The following ATP8B4 variants were observed in gnomAD, a reference collection of about 807,000 sequenced individuals.
The protein encoded by ATP8B4 is probable phospholipid-transporting ATPase IM.
A neutral mutation model predicts 145.6 loss-of-function variants in ATP8B4; 133 were observed. The observed-to-expected ratio is 0.91, with a 90% CI of 0.79 to 1.05. The LOEUF (loss-of-function observed/expected upper bound fraction) is 1.05. ATP8B4 is among the 50% of genes least tolerant of loss of function. The probability of loss-of-function intolerance (pLI) is 0.00; values close to 1 mark genes in which losing one functional copy is unlikely to be tolerated. For missense variants in ATP8B4, 1,458 were observed against 1,425.2 expected (o/e 1.02, Z -0.37); for synonymous variants, 507 against 492.9 (o/e 1.03, Z -0.38).
rs188369866 is a variant in ATP8B4, at chr15:49,947,102, T to C, written c.1288-12920A>G. 3.3e-5 allele frequency among the ~76,000 whole-genome samples: 5 copies of C among 152,270 alleles called. No homozygotes were observed. In the East Asian group the frequency reaches 9.6e-4, roughly 29 times the overall value. On this transcript the variant is annotated intron_variant, in intron 14 of 27. Coordinates refer to ENST00000284509, the MANE Select transcript of ATP8B4 (RefSeq NM_024837.4). ...CTGGCGCTGGAGCCCCAGTTTGAGC[T>C]GGGGGCTCTCAAAACCCTTGCACAC...
intron 6 of ATP8B4, among the ~76,000 whole-genome samples, chr15:50,030,340 A>C (rs2050340236): frequency 6.6e-6 from 1 of 152,214 alleles, no homozygotes; most frequent in Admixed American, 6.5e-5. Flanking sequence ...TCTAAGATAA[A>C]TGCATCCTGG....
intron 14 of ATP8B4, among the ~76,000 whole-genome samples, chr15:49,947,430 T>G (rs931513401): frequency 2.5e-4 from 29 of 117,768 alleles, no homozygotes; most frequent in Admixed American, 2.3e-3. Flanking sequence ...AGAGTGAGAC[T>G]CTGTCTCAAA....
intron 13 of ATP8B4, among the ~76,000 whole-genome samples, chr15:49,972,335 T>C (rs12593937): frequency 0.74 from 111,880 of 152,002 alleles, 42,825 homozygotes; most frequent in East Asian, 1. Context: ...ATCTAACCCT[T>C]TTCTCTATCC....
At chr15:49,988,918 A>G (rs540137390) in intron 9 of ATP8B4, among the ~76,000 whole-genome samples, 5 of 152,306 alleles carry the variant, frequency 3.3e-5, no homozygotes, top group African/African-American at 1.2e-4. Flanking sequence ...AAAGCAAATA[A>G]AACTGTGAAA....
At chr15:50,145,700 T>C (rs2044267535) in intron 1 of ATP8B4, among the ~76,000 whole-genome samples, 2 of 152,162 alleles carry the variant, frequency 1.3e-5, no homozygotes, top group South Asian at 4.1e-4. Flanking sequence ...TTTCTTTCTT[T>C]CTTACTATCA....
intron 25 of ATP8B4, among the ~76,000 whole-genome samples, chr15:49,875,740 A>G (rs1331521660): frequency 6.6e-6 from 1 of 152,212 alleles, no homozygotes; most frequent in African/African-American, 2.4e-5. Context: ...AAAAGGAAAT[A>G]GAGACACAAC....
At chr15:49,888,991 A>G (rs187520720) in intron 23 of ATP8B4, among the ~76,000 whole-genome samples, 4 of 151,998 alleles carry the variant, frequency 2.6e-5, no homozygotes, top group Admixed American at 1.3e-4. Flanking sequence ...GGTCTCTTTC[A>G]ATAGAGAGCT....
Position 49,859,032 on chromosome 15 carries a change from G to A in ATP8B4, c.*1162C>T, listed in dbSNP as rs2031169981. The A allele has an allele frequency of 6.6e-6, 1 of 152,210 alleles. No individual in the cohort carries two copies. Among genetic ancestry groups the A allele is most frequent in the South Asian group, 2.1e-4 (1 of 4,824 alleles). 9.4% of individuals were successfully genotyped at this position (152,210 alleles called of 1,614,324 possible). On this transcript the variant is annotated 3_prime_UTR_variant, in exon 28 of 28. Transcript: ENST00000284509. ...TCGTCCAAGTTTATAGAGGTAAGAA[G>A]TGACAGAACTGAGGTTTTCACACAA... is the stretch of plus-strand genomic sequence containing the variant.
chr15:50,166,000 C>T (rs1217887426), intron 1 of ATP8B4, among the ~76,000 whole-genome samples: 1 of 151,802 alleles, frequency 6.6e-6, no homozygotes. Flanking sequence ...CACACACACA[C>T]ACACACACCT....
At chr15:49,886,656 CA>C (rs1292520554) in intron 23 of ATP8B4, among the ~76,000 whole-genome samples, 1 of 152,146 alleles carries the variant, frequency 6.6e-6, no homozygotes, top group Admixed American at 6.5e-5. Context: ...TTAATTATTT[CA>C]ATCACTGTTC....
intron 20 of ATP8B4, among the ~76,000 whole-genome samples, chr15:49,903,092 T>C (rs2038219760): frequency 6.6e-6 from 1 of 152,194 alleles, no homozygotes. Context: ...TCTGCTGAAA[T>C]TGTCACTGCA....
At chr15:49,953,960 G>A (rs1028503081) in intron 14 of ATP8B4, among the ~76,000 whole-genome samples, 2 of 152,276 alleles carry the variant, frequency 1.3e-5, no homozygotes, top group Non-Finnish European at 2.9e-5. Flanking sequence ...CAGGTAGGCC[G>A]CCCACCACAC....
At chr15:49,947,941 T>C (rs1390654278) in intron 14 of ATP8B4, among the ~76,000 whole-genome samples, 1 of 152,066 alleles carries the variant, frequency 6.6e-6, no homozygotes, top group African/African-American at 2.4e-5. Context: ...AAATGGACCA[T>C]TATCTTACAT....
intron 5 of ATP8B4, among the ~76,000 whole-genome samples, chr15:50,041,359 A>G (rs552776419): frequency 5.2e-4 from 79 of 152,318 alleles, no homozygotes; most frequent in Non-Finnish European, 1.0e-3. Context: ...GAAAAGACAT[A>G]ATGAGATGTC....
intron 1 of ATP8B4, among the ~76,000 whole-genome samples, chr15:50,139,197 T>C (rs953157086): frequency 2.6e-5 from 4 of 152,078 alleles, no homozygotes; most frequent in East Asian, 1.9e-4. Context: ...CAAATGCCCA[T>C]CAATGACAGA....
At chr15:50,152,441 A>T (rs1017352074) in intron 1 of ATP8B4, among the ~76,000 whole-genome samples, 1 of 152,198 alleles carries the variant, frequency 6.6e-6, no homozygotes, top group African/African-American at 2.4e-5. Context: ...CCATAAATGT[A>T]ATTGAAAGGA....
At position 50,038,872 on chromosome 15, in the gene ATP8B4, C is replaced by A. The variant is rs932795525; in HGVS notation, c.301-43G>T. 4 of 1,539,994 alleles carry A rather than the reference C, an allele frequency of 2.6e-6. No homozygotes were observed. The East Asian group carries it at 6.7e-5, about 26-fold the overall frequency. The stretch of plus-strand genomic sequence containing the variant: ...TTGTGAGAAAACACATTACAAGGTA[C>A]TTTGTCAGCCCAAATAAGCACACTG... On this transcript the variant is annotated intron_variant, in intron 5 of 27. Transcript: ENST00000284509.
At chr15:50,100,863 C>T (rs2056310510) in intron 2 of ATP8B4, among the ~76,000 whole-genome samples, 1 of 152,148 alleles carries the variant, frequency 6.6e-6, no homozygotes, top group Admixed American at 6.5e-5. Flanking sequence ...GGAGGATTAA[C>T]AAGTTCCATT....
At chr15:49,967,451 C>T (rs540656190) in intron 13 of ATP8B4, among the ~76,000 whole-genome samples, 51 of 152,230 alleles carry the variant, frequency 3.4e-4, no homozygotes, top group South Asian at 1.9e-3. Context: ...CTGAAAAACA[C>T]AGCACAAGAA....
Sources: gnomAD v4.1 joint callset for allele counts (sites outside exome capture counted in the v4.1 genomes callset) on GRCh38, gnomAD v4.1.1 for gene constraint, MANE v1.5 for transcripts, NCBI Gene and HGNC (gene_info 2026-07-23, HGNC 2026-07-21) for gene names.